Variants in SYNJ2 observed in about 807,000 individuals in gnomAD.
SYNJ2 encodes the protein synaptojanin 2, also known as polyphosphatidylinositol phosphatase SYNJ2.
In SYNJ2, 116 loss-of-function variants were observed where a neutral mutation model predicts 141.3. The ratio of observed to expected loss-of-function variants is 0.82; its 90% CI spans 0.71 to 0.96. SYNJ2 has a LOEUF of 0.96. Ranked by LOEUF, SYNJ2 falls within the 40% of genes least tolerant of loss-of-function variation. The pLI, the probability that SYNJ2 is intolerant of heterozygous loss-of-function variation, is 0.00. For missense variants in SYNJ2, 1,873 were observed against 1,934.8 expected (o/e 0.97, Z 0.60); for synonymous variants, 745 against 777.7 (o/e 0.96, Z 0.70).
intron 5 of SYNJ2, among the ~76,000 whole-genome samples, chr6:158,052,777 A>G (rs1347628604): frequency 1.3e-5 from 2 of 152,176 alleles, no homozygotes; most frequent in Non-Finnish European, 2.9e-5. Context: ...ACACATCCAA[A>G]CCATGTCAGT....
At chr6:158,080,028 T>A (rs149960991) in intron 18 of SYNJ2, among the ~76,000 whole-genome samples, 261 of 152,368 alleles carry the variant, frequency 1.7e-3, no homozygotes, top group Non-Finnish European at 3.1e-3. Context: ...TGGAAATTTA[T>A]AGAGTAATAA....
In SYNJ2 at chr6:158,070,075, C is replaced by A; in HGVS notation, c.1940+402C>A. 1 of 854,378 alleles carries A rather than the reference C, an allele frequency of 1.2e-6. No individual in the cohort carries two copies. Among genetic ancestry groups the A allele is most frequent in the Non-Finnish European group, 1.4e-6 (1 of 709,176 alleles). 52.9% of individuals were successfully genotyped at this position (854,378 alleles called of 1,614,324 possible). On this transcript the variant is annotated intron_variant, in intron 14 of 26. Coordinates refer to ENST00000355585, the MANE Select transcript of SYNJ2 (RefSeq NM_003898.4). This position sits in a 1 kb window ranked among gnomAD's most constrained non-coding sequence, Gnocchi z 4.0. ...AAGAATTCTAAGTAGAACGTGTGGGCCTCTACAACTGTGACCTCATTGTCA... is the reference window on the plus strand; with the variant it reads ...AAGAATTCTAAGTAGAACGTGTGGGACTCTACAACTGTGACCTCATTGTCA...
intron 5 of SYNJ2, among the ~76,000 whole-genome samples, chr6:158,046,189 G>A (rs1327016089): frequency 6.6e-6 from 1 of 151,984 alleles, no homozygotes; most frequent in African/African-American, 2.4e-5. Context: ...CAAGTGATCT[G>A]CCCGCTTCGG....
intron 20 of SYNJ2, 99 bp from the exon 21 acceptor site, chr6:158,083,330 C>T (rs766173851): frequency 4.3e-6 from 6 of 1,401,178 alleles, no homozygotes; most frequent in African/African-American, 1.4e-5. Context: ...GAAGATTGGC[C>T]TCGTTGAGGG....
In SYNJ2 at chr6:158,097,794, G is replaced by T. The variant is rs1184367956; in HGVS notation, c.*1430G>T. 3 of 149,850 alleles carry T rather than the reference G, an allele frequency of 2.0e-5. No individual in the cohort carries two copies. The highest frequency in any genetic ancestry group is 7.4e-5 in the African/African-American group (3 of 40,482). 9.3% of individuals were successfully genotyped at this position (149,850 alleles called of 1,614,324 possible). A position where few individuals can be genotyped will look rare whatever the true frequency, so the allele number is the denominator to read the frequency against. On this transcript the variant is annotated 3_prime_UTR_variant, in exon 27 of 27. Coordinates refer to ENST00000355585, the MANE Select transcript of SYNJ2 (RefSeq NM_003898.4). ...CTTAAATATGGCCATCAAAACAAAA[G>T]TTACAACACGTATCTCTTTTCATCT...
rs1195473519 is a variant in SYNJ2, at chr6:158,095,878, G to A, written c.4005G>A (p.Arg1335=). Residue 1335 remains arginine, a synonymous_variant, in exon 27 of 27, where the codon AGG becomes AGA. Transcript: ENST00000355585. ...APPLVPKVPP[R]RKKSAPAAFH... ...CTCTTGTGCCCAAGGTACCCCCGAG[G>A]AGGAAGAAGTCAGCCCCCGCAGCCT... is the stretch of plus-strand genomic sequence containing the variant. 1.9e-6 allele frequency: 3 copies of A among 1,614,138 alleles called. No homozygotes were observed. Among genetic ancestry groups the A allele is most frequent in the South Asian group, 1.1e-5 (1 of 91,084 alleles).
At position 157,982,400 on chromosome 6, in the gene SYNJ2, G is replaced by C. The variant is rs1777048624; in HGVS notation, c.127+312G>C. The stretch of plus-strand genomic sequence containing the variant: ...TGCGTATTCATGAGGATCCCGGGGT[G>C]TTGACTTAGCCGGCCTGACCCTGTG... On this transcript the variant is annotated intron_variant, in intron 1 of 26. Coordinates refer to ENST00000355585, the MANE Select transcript of SYNJ2 (RefSeq NM_003898.4). The surrounding 1 kb of genome is among the most constrained non-coding windows in gnomAD (Gnocchi z 4.0). Among the ~76,000 whole-genome samples, 3 of 152,314 alleles carry C rather than the reference G, an allele frequency of 2.0e-5. No individual in the cohort carries two copies. The South Asian group carries it at 6.2e-4, about 32-fold the overall frequency.
chr6:157,989,913 G>A (rs1238977267), intron 1 of SYNJ2, among the ~76,000 whole-genome samples: 1 of 152,022 alleles, frequency 6.6e-6, no homozygotes, highest in Non-Finnish European at 1.5e-5. Flanking sequence ...TTTTCTGGGG[G>A]GGGCTAGGAG....
chr6:158,084,462 G>A lies in SYNJ2; in HGVS notation c.3208+288G>A, dbSNP rs1020493778. Among the ~76,000 whole-genome samples the A allele has an allele frequency of 1.1e-4, 17 of 151,984 alleles. No individual in the cohort carries two copies. Among genetic ancestry groups the A allele is most frequent in the African/African-American group, 2.4e-5 (1 of 41,342 alleles). ...TTCCTCTGGATATTCAAATGGCCAC[G>A]GTTCTGAACTGGTTTTATATTTGTG... is the stretch of plus-strand genomic sequence containing the variant. On this transcript the variant is annotated intron_variant, in intron 22 of 26. Coordinates refer to ENST00000355585, the MANE Select transcript of SYNJ2 (RefSeq NM_003898.4). The surrounding 1 kb of genome is among the most constrained non-coding windows in gnomAD (Gnocchi z 5.0).
intron 26 of SYNJ2, among the ~76,000 whole-genome samples, chr6:158,094,888 G>A (rs929160511): frequency 6.6e-6 from 1 of 152,244 alleles, no homozygotes; most frequent in Non-Finnish European, 1.5e-5. Flanking sequence ...TGGCTCACGC[G>A]TGTAATCCCA....
chr6:158,045,028 T>C (rs1032152359), intron 5 of SYNJ2, among the ~76,000 whole-genome samples: 6 of 151,884 alleles, frequency 4.0e-5, no homozygotes, highest in Non-Finnish European at 8.8e-5. Context: ...TCATGATGGA[T>C]TCTTAGAATT....
chr6:158,023,075 CTA>C (rs1345501666), intron 2 of SYNJ2, among the ~76,000 whole-genome samples: 2 of 152,070 alleles, frequency 1.3e-5, no homozygotes. Context: ...TGTAGCAAGA[CTA>C]TGTCTCTACA....
At chr6:158,089,800 C>T (rs764924188) in intron 24 of SYNJ2, 39 bp from the exon 25 acceptor site, 1 of 1,528,610 alleles carries the variant, frequency 6.5e-7, no homozygotes, top group South Asian at 1.1e-5. Context: ...GTCCTCCTGC[C>T]TCTGCTGATA....
Position 158,093,085 on chromosome 6 carries a change from C to A in SYNJ2, c.3725C>A (p.Thr1242Asn), listed in dbSNP as rs1234757510. ...PPRVPAIKKP[T>N]LRRTGKPLSP... is the part of the protein sequence containing the mutation. ...AGAGTTCCTGCCATCAAGAAGCCAA[C>A]CTTGAGAAGGACAGGAAAGGTAAAA... The change falls in exon 26 of 27, where the codon ACC becomes AAC. Residue 1242 changes from threonine to asparagine, a missense_variant. Thr to Asn is a moderately conservative substitution (Grantham distance 65, BLOSUM62 0). Transcript: ENST00000355585. 1 of 1,610,002 alleles carries A rather than the reference C, an allele frequency of 6.2e-7. No homozygotes were observed. The highest frequency in any genetic ancestry group is 1.7e-5 in the Admixed American group (1 of 58,372).
chr6:158,007,627 T>C (rs1778122598), intron 1 of SYNJ2, among the ~76,000 whole-genome samples: 3 of 152,102 alleles, frequency 2.0e-5, no homozygotes, highest in African/African-American at 4.8e-5. Context: ...GTGATAATGG[T>C]ATTGTGGTTG....
At chr6:158,041,546 G>A (rs1202090567) in intron 4 of SYNJ2, among the ~76,000 whole-genome samples, 1 of 152,180 alleles carries the variant, frequency 6.6e-6, no homozygotes, top group Non-Finnish European at 1.5e-5. Flanking sequence ...GCAGGGAGGG[G>A]CATACAGAGC....
chr6:157,989,671 G>A (rs549595463), intron 1 of SYNJ2, among the ~76,000 whole-genome samples: 173 of 152,076 alleles, frequency 1.1e-3, no homozygotes, highest in African/African-American at 3.7e-3. Context: ...GCCTCCACAC[G>A]GATGTCCCCA....
At chr6:158,009,451 G>T (rs1778185828) in intron 1 of SYNJ2, among the ~76,000 whole-genome samples, 1 of 152,214 alleles carries the variant, frequency 6.6e-6, no homozygotes, top group African/African-American at 2.4e-5. Flanking sequence ...GTCCCTGGAA[G>T]GGTGCCAGCC....
chr6:158,054,679 TCTTA>T (rs1313607793), intron 5 of SYNJ2, among the ~76,000 whole-genome samples: 1 of 152,212 alleles, frequency 6.6e-6, no homozygotes, highest in Admixed American at 6.5e-5. Context: ...TGCCTCATCA[TCTTA>T]CCCTGGATCT....
Sources: allele counts gnomAD v4.1 joint callset (sites outside exome capture counted in the v4.1 genomes callset), GRCh38; gene constraint gnomAD v4.1.1; non-coding constraint Gnocchi (gnomAD v3.1); transcripts MANE v1.5; gene names NCBI Gene and HGNC (gene_info 2026-07-23, HGNC 2026-07-21).